Variants in LSAMP observed in about 807,000 individuals in gnomAD.
LSAMP encodes limbic system associated membrane protein.
A neutral mutation model predicts 38.6 loss-of-function variants in LSAMP; 7 were observed. The observed-to-expected ratio is 0.18, with a 90% CI of 0.10 to 0.34. The LOEUF (loss-of-function observed/expected upper bound fraction) is 0.34. Ranked by LOEUF, LSAMP falls within the 10% of genes least tolerant of loss-of-function variation. LSAMP has a pLI of 1.00. For synonymous variants in LSAMP, 154 were observed against 166.8 expected (o/e 0.92, Z 0.59); for missense variants, 313 against 420.0 (o/e 0.75, Z 2.23).
Position 116,041,818 on chromosome 3 carries a change from A to G in LSAMP, c.389-22178T>C, listed in dbSNP as rs969278881. 3.3e-5 allele frequency among the ~76,000 whole-genome samples: 5 copies of G among 149,888 alleles called. 1 individual carries two copies. The highest frequency in any genetic ancestry group is 1.2e-4 in the African/African-American group (5 of 40,210). ...ATGCAAAAAAAAACAAAACAAAACA[A>G]AAAAAAAACACCTTGATTTTAAAAT... On this transcript the variant is annotated intron_variant, in intron 2 of 6. Coordinates refer to ENST00000490035, the MANE Select transcript of LSAMP (RefSeq NM_002338.5).
intron 1 of LSAMP, among the ~76,000 whole-genome samples, chr3:116,274,723 T>C (rs909471071): frequency 6.6e-6 from 1 of 151,990 alleles, no homozygotes; most frequent in Non-Finnish European, 1.5e-5. Flanking sequence ...TTCTTTTCTC[T>C]TTTTGGTTAA....
At chr3:116,150,721 A>G (rs1709591062) in intron 1 of LSAMP, among the ~76,000 whole-genome samples, 1 of 151,984 alleles carries the variant, frequency 6.6e-6, no homozygotes, top group Non-Finnish European at 1.5e-5. Context: ...GAAGGGCTGG[A>G]AAATGCCCTA....
At chr3:116,002,857 T>C (rs1940041422) in intron 3 of LSAMP, among the ~76,000 whole-genome samples, 1 of 152,164 alleles carries the variant, frequency 6.6e-6, no homozygotes, top group Admixed American at 6.6e-5. Flanking sequence ...AGGGTTTAAA[T>C]AGGATACCTG....
At chr3:116,427,144 C>T (rs1430715890) in intron 1 of LSAMP, among the ~76,000 whole-genome samples, 2 of 135,972 alleles carry the variant, frequency 1.5e-5, no homozygotes, top group African/African-American at 2.8e-5. Context: ...GACGGAGTCT[C>T]GCTCTGTCGC....
intron 1 of LSAMP, among the ~76,000 whole-genome samples, chr3:116,247,368 C>T (rs559444675): frequency 6.6e-5 from 10 of 152,210 alleles, no homozygotes; most frequent in South Asian, 4.2e-4. Context: ...ACCTGTCACA[C>T]GGTTTCTTAA....
At chr3:116,276,799 C>T (rs1037411647) in intron 1 of LSAMP, among the ~76,000 whole-genome samples, 2 of 152,048 alleles carry the variant, frequency 1.3e-5, no homozygotes, top group African/African-American at 4.8e-5. Context: ...GGGGCTGGCC[C>T]AGTAGGACAA....
Position 116,200,162 on chromosome 3 carries a change from G to A in LSAMP, c.156-113606C>T, listed in dbSNP as rs143479056. On this transcript the variant is annotated intron_variant, in intron 1 of 6. Transcript: ENST00000490035. ...TATAGCAGGAATTTCCTAACAACTT[G>A]TTGATCAACTAATAAGAGGTTGAAC... 5.3e-5 allele frequency among the ~76,000 whole-genome samples: 8 copies of A among 151,618 alleles called. No homozygotes were observed. The East Asian group carries it at 1.5e-3, about 29-fold the overall frequency.
intron 1 of LSAMP, among the ~76,000 whole-genome samples, chr3:116,334,836 C>T (rs58427084): frequency 0.046 from 7,056 of 152,074 alleles, 531 homozygotes; most frequent in African/African-American, 0.16. Flanking sequence ...AAAGCAAGGA[C>T]TTGCACTTTC....
At chr3:116,440,656 G>A (rs1177150272) in intron 1 of LSAMP, among the ~76,000 whole-genome samples, 9 of 152,066 alleles carry the variant, frequency 5.9e-5, no homozygotes, top group Admixed American at 5.9e-4. Context: ...TTAACAAAAT[G>A]TATATAATAT....
intron 1 of LSAMP, among the ~76,000 whole-genome samples, chr3:116,205,570 A>G (rs1198178234): frequency 1.6e-5 from 1 of 63,194 alleles, no homozygotes; most frequent in African/African-American, 6.7e-5. Flanking sequence ...ATTTTGAAAT[A>G]CGTCCCATCA....
At chr3:116,014,306 A>T in intron 3 of LSAMP, among the ~76,000 whole-genome samples, 1 of 152,150 alleles carries the variant, frequency 6.6e-6, no homozygotes, top group East Asian at 1.9e-4. Flanking sequence ...TTACAGAGTG[A>T]ACACTGTAAA....
Position 116,161,663 on chromosome 3 carries a change from A to G in LSAMP, c.156-75107T>C, listed in dbSNP as rs79244258. Among the ~76,000 whole-genome samples, 329 of 152,308 alleles carry G rather than the reference A, an allele frequency of 2.2e-3. 2 individuals carry two copies. The highest frequency in any genetic ancestry group is 7.6e-3 in the African/African-American group (314 of 41,560). ...AGGAATGCTGACTGCCAAGAAAGTCACAAAAGAAACTGAGGTTCCAAACTG... is the reference window on the plus strand; with the variant it reads ...AGGAATGCTGACTGCCAAGAAAGTCGCAAAAGAAACTGAGGTTCCAAACTG... On this transcript the variant is annotated intron_variant, in intron 1 of 6. Transcript: ENST00000490035.
At chr3:116,438,309 G>C (rs1277505857) in intron 1 of LSAMP, among the ~76,000 whole-genome samples, 2 of 152,100 alleles carry the variant, frequency 1.3e-5, no homozygotes, top group Admixed American at 1.3e-4. Flanking sequence ...TACCATTATA[G>C]AGTTTATACA....
intron 1 of LSAMP, among the ~76,000 whole-genome samples, chr3:116,141,181 T>C (rs1709360623): frequency 6.6e-6 from 1 of 151,942 alleles, no homozygotes; most frequent in African/African-American, 2.4e-5. Context: ...ATATATTTTA[T>C]ATAAAGATGT....
chr3:116,045,324 G>C (rs1941266519), intron 2 of LSAMP, among the ~76,000 whole-genome samples: 1 of 152,038 alleles, frequency 6.6e-6, no homozygotes, highest in African/African-American at 2.4e-5. Flanking sequence ...TTGGGGACAG[G>C]TATTTATTTC....
At chr3:116,089,418 T>C (rs974510921) in intron 1 of LSAMP, among the ~76,000 whole-genome samples, 23 of 152,178 alleles carry the variant, frequency 1.5e-4, no homozygotes, top group African/African-American at 5.6e-4. Flanking sequence ...AGTGCAGTGG[T>C]GCAATCTCAG....
intron 1 of LSAMP, among the ~76,000 whole-genome samples, chr3:116,341,967 A>G (rs2048001487): frequency 6.6e-6 from 1 of 152,038 alleles, no homozygotes; most frequent in Non-Finnish European, 1.5e-5. Flanking sequence ...CTAAGTCAAC[A>G]TTTGAAAGGT....
intron 1 of LSAMP, among the ~76,000 whole-genome samples, chr3:116,295,566 A>G (rs1055456981): frequency 6.6e-6 from 1 of 152,208 alleles, no homozygotes; most frequent in African/African-American, 2.4e-5. Context: ...AGGGAGATAG[A>G]AGGGACAGAA....
intron 1 of LSAMP, among the ~76,000 whole-genome samples, chr3:116,118,755 T>G (rs1708809787): frequency 6.6e-6 from 1 of 152,150 alleles, no homozygotes; most frequent in African/African-American, 2.4e-5. Context: ...CTGGTATAAA[T>G]GAAAATAGGA....
Sources: gnomAD v4.1 joint callset for allele counts (sites outside exome capture counted in the v4.1 genomes callset) on GRCh38, gnomAD v4.1.1 for gene constraint, MANE v1.5 for transcripts, NCBI Gene and HGNC (gene_info 2026-07-23, HGNC 2026-07-21) for gene names.